Variants in HIVEP3 observed in about 807,000 individuals in gnomAD.
HIVEP3 encodes the protein transcription factor HIVEP3.
In HIVEP3, 49 loss-of-function variants were observed where a neutral mutation model predicts 152.8. The ratio of observed to expected loss-of-function variants is 0.32; its 90% CI spans 0.26 to 0.41. HIVEP3 has a LOEUF of 0.41. Among genes scored for constraint, HIVEP3 ranks in the 10% least tolerant of loss-of-function variants. HIVEP3 has a pLI of 1.00. For missense variants in HIVEP3, 2,790 were observed against 3,103.3 expected (o/e 0.90, Z 2.40); for synonymous variants, 1,269 against 1,289.0 (o/e 0.98, Z 0.33).
At chr1:41,649,232 T>C (rs900956589) in intron 2 of HIVEP3, among the ~76,000 whole-genome samples, 5 of 152,178 alleles carry the variant, frequency 3.3e-5, no homozygotes, top group African/African-American at 1.2e-4. Context: ...ATGTCTCCCA[T>C]AAGGGGTTGG....
intron 3 of HIVEP3, among the ~76,000 whole-genome samples, chr1:41,621,891 C>G (rs1570131049): frequency 6.6e-6 from 1 of 152,330 alleles, no homozygotes; most frequent in East Asian, 1.9e-4. Flanking sequence ...AAGTCTCTTT[C>G]CCACCCTGCA....
At chr1:41,536,780 C>T (rs1012876457) in intron 5 of HIVEP3, among the ~76,000 whole-genome samples, 3 of 152,130 alleles carry the variant, frequency 2.0e-5, no homozygotes. Context: ...CATGCATTAC[C>T]TCATTAAATC....
At chr1:41,677,490 G>C (rs1317225413) in intron 2 of HIVEP3, among the ~76,000 whole-genome samples, 5 of 152,218 alleles carry the variant, frequency 3.3e-5, no homozygotes, top group Non-Finnish European at 7.3e-5. Context: ...ATGGGGTAGT[G>C]ATGCCTACCT....
At chr1:41,783,301 C>T (rs1412262231) in intron 1 of HIVEP3, among the ~76,000 whole-genome samples, 1 of 152,128 alleles carries the variant, frequency 6.6e-6, no homozygotes, top group African/African-American at 2.4e-5. Context: ...GGATTCATTC[C>T]GTATTCATTC....
At position 41,581,409 on chromosome 1, in the gene HIVEP3, T is replaced by C; in HGVS notation, c.3389A>G (p.Gln1130Arg). 1 of 1,603,234 alleles carries C rather than the reference T, an allele frequency of 6.2e-7. No homozygotes were observed. The highest frequency in any genetic ancestry group is 8.5e-7 in the Non-Finnish European group (1 of 1,175,016). Residue 1130 changes from glutamine to arginine, a missense_variant, in exon 4 of 9, where the codon CAG becomes CGG. Gln to Arg is a conservative substitution (Grantham distance 43). Coordinates refer to ENST00000372583, the MANE Select transcript of HIVEP3 (RefSeq NM_024503.5). This position sits in a 1 kb window ranked among gnomAD's most constrained non-coding sequence, Gnocchi z 4.5. ...ALQVFHHPVA[Q>R]TPLHEKPYLP... ...GTATGGCTTCTCATGCAGGGGTGTC[T>C]GGGCAACGGGGTGGTGGAACACTTG...
chr1:41,543,655 G>C (rs1643588019), intron 5 of HIVEP3: 1 of 152,208 alleles, frequency 6.6e-6, no homozygotes, highest in Non-Finnish European at 1.5e-5. Context: ...GTCCTTCCTG[G>C]TGTATCCATA....
At chr1:41,552,441 C>T (rs1643904633) in intron 5 of HIVEP3, among the ~76,000 whole-genome samples, 1 of 146,278 alleles carries the variant, frequency 6.8e-6, no homozygotes, top group South Asian at 2.2e-4. Context: ...TTGTTCAATT[C>T]CCACCTATGA....
upstream of HIVEP3, among the ~76,000 whole-genome samples, chr1:41,921,197 C>T (rs1473270532): frequency 6.6e-6 from 1 of 152,112 alleles, no homozygotes; most frequent in African/African-American, 2.4e-5. Flanking sequence ...TGGGAAGATA[C>T]AAAGTAGATG....
chr1:41,799,720 C>G (rs762244831), intron 1 of HIVEP3, among the ~76,000 whole-genome samples: 2 of 151,996 alleles, frequency 1.3e-5, no homozygotes, highest in Non-Finnish European at 2.9e-5. Flanking sequence ...TCAAAAAAAT[C>G]CTAAATTCTA....
chr1:41,513,814 G>T, intron 7 of HIVEP3, 64 bp from the exon 8 acceptor site: 2 of 1,338,120 alleles, frequency 1.5e-6, no homozygotes, highest in Non-Finnish European at 9.9e-7. Context: ...CCACACGGCT[G>T]CTCCTCTCTG....
chr1:41,706,426 T>C (rs1251949001), intron 1 of HIVEP3, among the ~76,000 whole-genome samples: 3 of 152,164 alleles, frequency 2.0e-5, no homozygotes, highest in African/African-American at 7.2e-5. Context: ...GGATTACATG[T>C]GTGCACCACC....
chr1:42,006,086 T>A (rs575306290), intron 1 of HIVEP3, among the ~76,000 whole-genome samples: 2 of 152,290 alleles, frequency 1.3e-5, no homozygotes, highest in South Asian at 4.1e-4. Flanking sequence ...GATCGTTGGA[T>A]CATTGCTAGA....
At chr1:41,550,090 T>C (rs1339546732) in intron 5 of HIVEP3, among the ~76,000 whole-genome samples, 1 of 152,234 alleles carries the variant, frequency 6.6e-6, no homozygotes, top group African/African-American at 2.4e-5. Context: ...GCTTTCTACA[T>C]AGGGCTAGCC....
intron 1 of HIVEP3, among the ~76,000 whole-genome samples, chr1:41,712,586 T>A (rs1055375588): frequency 6.6e-6 from 1 of 152,130 alleles, no homozygotes; most frequent in Non-Finnish European, 1.5e-5. Flanking sequence ...CTTTAGCACA[T>A]GAGATGCGCA....
At chr1:41,660,140 CTT>C (rs746772650) in intron 2 of HIVEP3, among the ~76,000 whole-genome samples, 8 of 152,096 alleles carry the variant, frequency 5.3e-5, no homozygotes, top group Non-Finnish European at 8.8e-5. Context: ...TAGGAACAAA[CTT>C]GTGTGTACAA....
intron 7 of HIVEP3, among the ~76,000 whole-genome samples, chr1:41,514,147 CTTTGTTTG>C (rs72280396): frequency 0.026 from 3,923 of 151,752 alleles, 168 homozygotes; most frequent in African/African-American, 0.09. Flanking sequence ...AGAAGACAGT[CTTTGTTTG>C]TTTGTTTGTT....
chr1:41,971,109 G>C (rs1645226311), intron 1 of HIVEP3, among the ~76,000 whole-genome samples: 1 of 152,204 alleles, frequency 6.6e-6, no homozygotes, highest in South Asian at 2.1e-4. Context: ...AGTTACAACT[G>C]ATTTAAGCCA....
In HIVEP3 at chr1:41,580,736, T is replaced by G; in HGVS notation, c.4062A>C (p.Ala1354=). 2.5e-6 allele frequency: 4 copies of G among 1,590,018 alleles called. No individual in the cohort carries two copies. The highest frequency in any genetic ancestry group is 3.4e-6 in the Non-Finnish European group (4 of 1,168,498). ...ATGGGGGTTCCTCAAACTTGGGAAG[T>G]GCCACAGTTGCTGAGCTGCCTTGGG... ...TQSQGSSATV[A]LPKFEEPPSK... is the part of the protein sequence containing the mutation. The change falls in exon 4 of 9, where the codon GCA becomes GCC. Residue 1354 remains alanine (A), a synonymous_variant. Transcript: ENST00000372583.
chr1:41,913,353 C>T (rs1005551447), intron 1 of HIVEP3, among the ~76,000 whole-genome samples: 7 of 152,136 alleles, frequency 4.6e-5, no homozygotes, highest in African/African-American at 1.7e-4. Context: ...TTTCAAAATT[C>T]TTCTTCTATT....
Sources: allele counts gnomAD v4.1 joint callset (sites outside exome capture counted in the v4.1 genomes callset), GRCh38; gene constraint gnomAD v4.1.1; non-coding constraint Gnocchi (gnomAD v3.1); transcripts MANE v1.5; gene names NCBI Gene and HGNC (gene_info 2026-07-23, HGNC 2026-07-21).